The following PSPH variants were observed in gnomAD, a reference collection of about 807,000 sequenced individuals.
PSPH encodes the protein phosphoserine phosphatase, also known as L-3-phosphoserine phosphatase.
A neutral mutation model predicts 23.4 loss-of-function variants in PSPH; 16 were observed. The ratio of observed to expected loss-of-function variants is 0.68; its 90% confidence interval spans 0.46 to 1.04. The LOEUF (loss-of-function observed/expected upper bound fraction) is 1.04. PSPH is among the 50% of genes least tolerant of loss of function. The pLI is 0.00. For synonymous variants in PSPH, 68 were observed against 99.7 expected (o/e 0.68, Z 1.89); for missense variants, 223 against 273.7 (o/e 0.81, Z 1.31).
chr7:56,037,404 G>A (rs866405841), intron 1 of PSPH, among the ~76,000 whole-genome samples: 24 of 151,340 alleles, frequency 1.6e-4, no homozygotes, highest in Non-Finnish European at 2.5e-4. Flanking sequence ...CTACTGTTCC[G>A]GAAAGGTTTT....
intron 3 of PSPH, among the ~76,000 whole-genome samples, chr7:56,030,497 G>A (rs1376418939): frequency 6.6e-6 from 1 of 152,070 alleles, no homozygotes; most frequent in Non-Finnish European, 1.5e-5. Context: ...TGCAGCTGGA[G>A]GCCGTTATCC....
At chr7:56,018,971 CA>C (rs1173712548) in intron 5 of PSPH, among the ~76,000 whole-genome samples, 4 of 147,476 alleles carry the variant, frequency 2.7e-5, no homozygotes, top group Non-Finnish European at 6.0e-5. Context: ...CCCTGTCTCT[CA>C]AAAAAAATTT....
intron 1 of PSPH, among the ~76,000 whole-genome samples, chr7:56,038,300 A>C (rs981125154): frequency 3.3e-5 from 5 of 151,330 alleles, no homozygotes; most frequent in African/African-American, 1.2e-4. Flanking sequence ...ACAAAAAAAA[A>C]AAAAAAAAAT....
intron 2 of PSPH, among the ~76,000 whole-genome samples, chr7:56,032,346 G>C (rs1387688221): frequency 1.3e-5 from 2 of 152,102 alleles, no homozygotes; most frequent in Non-Finnish European, 2.9e-5. Flanking sequence ...AATCTCTTAG[G>C]AGAACTAAAT....
chr7:56,040,092 C>T (rs942531591), intron 1 of PSPH, among the ~76,000 whole-genome samples: 2 of 144,390 alleles, frequency 1.4e-5, no homozygotes, highest in East Asian at 3.9e-4. Context: ...GAGCAAGACT[C>T]CATCAAAAAA....
At chr7:56,035,090 C>T (rs998703825) in intron 1 of PSPH, among the ~76,000 whole-genome samples, 3 of 152,032 alleles carry the variant, frequency 2.0e-5, no homozygotes, top group African/African-American at 4.8e-5. Context: ...CATGTAATCC[C>T]AGCACTTTGG....
At chr7:56,038,117 G>A (rs1791973451) in intron 1 of PSPH, among the ~76,000 whole-genome samples, 3 of 151,432 alleles carry the variant, frequency 2.0e-5, no homozygotes, top group Non-Finnish European at 4.4e-5. Context: ...AAGCCCTCCG[G>A]AAAACAATAT....
At chr7:56,021,041 C>A in intron 4 of PSPH, 32 bp downstream of exon 4, 1 of 1,613,732 alleles carries the variant, frequency 6.2e-7, no homozygotes, top group South Asian at 1.1e-5. Flanking sequence ...AAGTCTTTAT[C>A]ATTTCATAAA....
intron 3 of PSPH, among the ~76,000 whole-genome samples, chr7:56,031,217 CAA>C (rs781209477): frequency 8.9e-6 from 1 of 112,622 alleles, no homozygotes. Context: ...GACTCCGTCT[CAA>C]AAAAAAAAAA....
chr7:56,027,243 CAACAT>C (rs1355983307), intron 3 of PSPH, among the ~76,000 whole-genome samples: 2 of 150,024 alleles, frequency 1.3e-5, no homozygotes, highest in Non-Finnish European at 3.0e-5. Context: ...ATGCATGAGG[CAACAT>C]AACATAACTA....
At chr7:56,028,317 C>T in intron 3 of PSPH, among the ~76,000 whole-genome samples, 1 of 151,922 alleles carries the variant, frequency 6.6e-6, no homozygotes. Context: ...CCTCAACCTC[C>T]TAGGTGAAGT....
At chr7:56,045,359 C>T (rs1264444078) in intron 1 of PSPH, among the ~76,000 whole-genome samples, 1 of 151,084 alleles carries the variant, frequency 6.6e-6, no homozygotes, top group Non-Finnish European at 1.5e-5. Context: ...AAAAAATTAG[C>T]CAGGCATGAT....
intron 2 of PSPH, 63 bp from the exon 3 acceptor site, chr7:56,032,117 C>T (rs1791079862): frequency 6.6e-6 from 1 of 152,196 alleles, no homozygotes. Flanking sequence ...AAGAGGGAGA[C>T]TGGCTTCACT....
At chr7:56,014,357 G>A (rs912261799) in intron 7 of PSPH, among the ~76,000 whole-genome samples, 4 of 152,046 alleles carry the variant, frequency 2.6e-5, no homozygotes, top group African/African-American at 9.7e-5. Flanking sequence ...GTTTTAAAAG[G>A]TTTTTAGTTC....
intron 3 of PSPH, among the ~76,000 whole-genome samples, chr7:56,029,856 T>A (rs988393796): frequency 3.3e-5 from 5 of 151,596 alleles, no homozygotes; most frequent in African/African-American, 1.2e-4. Context: ...GAGTACAAAG[T>A]ATAGCCGGGC....
At chr7:56,025,063 C>G (rs1328648360) in intron 3 of PSPH, among the ~76,000 whole-genome samples, 1 of 151,900 alleles carries the variant, frequency 6.6e-6, no homozygotes, top group Non-Finnish European at 1.5e-5. Context: ...CTCAGCCTCC[C>G]AAAGAGCTGG....
rs539757214 is a variant in PSPH at position 56,022,325 on chromosome 7, C to T, written c.-19-1094G>A. Among the ~76,000 whole-genome samples, 577 of 152,016 alleles carry T rather than the reference C, an allele frequency of 3.8e-3. 9 individuals are homozygous for T. The highest frequency in any genetic ancestry group is 0.013 in the African/African-American group (547 of 41,472). On this transcript the variant is annotated intron_variant, in intron 3 of 7. Coordinates refer to ENST00000275605, the MANE Select transcript of PSPH (RefSeq NM_004577.4). ...CTCCAGCCTGGGCAACAGAGCAAGA[C>T]CCTGACTCTAACTAAAAGAAAAAAA... is the stretch of plus-strand genomic sequence containing the variant.
At chr7:56,028,099 C>G (rs966176090) in intron 3 of PSPH, among the ~76,000 whole-genome samples, 7 of 151,316 alleles carry the variant, frequency 4.6e-5, no homozygotes, top group Non-Finnish European at 1.0e-4. Context: ...AGGAAAGGTA[C>G]ATTTCCTCCA....
chr7:56,040,698 G>A (rs998044237), intron 1 of PSPH, among the ~76,000 whole-genome samples: 11 of 151,894 alleles, frequency 7.2e-5, no homozygotes, highest in Admixed American at 1.3e-4. Flanking sequence ...CATATTCAAC[G>A]AAACTAGAAG....
Sources: gnomAD v4.1 joint callset for allele counts (sites outside exome capture counted in the v4.1 genomes callset) on GRCh38, gnomAD v4.1.1 for gene constraint, MANE v1.5 for transcripts, NCBI Gene and HGNC (gene_info 2026-07-23, HGNC 2026-07-21) for gene names.